Variants in ZNF697 observed in about 807,000 individuals in gnomAD.
ZNF697 encodes the protein zinc finger protein 697.
Under a neutral mutation model 32.4 loss-of-function variants are expected in ZNF697, and 23 were observed. The ratio of observed to expected loss-of-function variants is 0.71; its 90% confidence interval spans 0.51 to 1.01. ZNF697 has a LOEUF of 1.01. Among genes scored for constraint, ZNF697 ranks in the 50% least tolerant of loss-of-function variants. The pLI, the probability that ZNF697 is intolerant of heterozygous loss-of-function variation, is 0.00. For missense variants in ZNF697, 930 were observed against 794.0 expected, an observed-to-expected ratio of 1.17 and a Z score of -2.06; for synonymous variants, 418 against 337.2, an observed-to-expected ratio of 1.24 and a Z score of -2.62.
Position 119,623,821 on chromosome 1 carries a change from G to A in ZNF697, c.522C>T (p.Leu174=), listed in dbSNP as rs754722277. The A allele has an allele frequency of 7.8e-5, 121 of 1,547,444 alleles. No individual in the cohort carries two copies. Among genetic ancestry groups the A allele is most frequent in the Non-Finnish European group, 1.0e-4 (115 of 1,145,612 alleles). Reference sequence around the variant, plus strand: ...TGGCCACCAGGCTATCCAGCTCCCCGAGGTCCACGGCCATGGGGTGGTGGA... The same window carrying A: ...TGGCCACCAGGCTATCCAGCTCCCCAAGGTCCACGGCCATGGGGTGGTGGA... ...HRLHHPMAVD[L]GELDSLVASI... Residue 174 remains leucine, a synonymous_variant, in exon 3 of 3, where the codon CTC becomes CTT. Transcript: ENST00000421812.
chr1:119,645,527 C>T (rs1399017079), intron 1 of ZNF697, among the ~76,000 whole-genome samples: 5 of 152,142 alleles, frequency 3.3e-5, no homozygotes, highest in African/African-American at 1.2e-4. Flanking sequence ...CAGGGATGTC[C>T]AGCAAGCATG....
intron 1 of ZNF697, among the ~76,000 whole-genome samples, chr1:119,630,838 C>A (rs1280374232): frequency 6.6e-6 from 1 of 152,068 alleles, no homozygotes; most frequent in African/African-American, 2.4e-5. Flanking sequence ...CCCCCGCACT[C>A]CAGCCTGAGA....
chr1:119,627,545 TACAC>T (rs1427100417), intron 1 of ZNF697, among the ~76,000 whole-genome samples: 5 of 152,308 alleles, frequency 3.3e-5, no homozygotes, highest in African/African-American at 9.6e-5. Flanking sequence ...AAGCGTGTAA[TACAC>T]ACATTTTTCC....
In ZNF697 at chr1:119,623,371, C is replaced by T; in HGVS notation, c.972G>A (p.Glu324=). Residue 324 remains glutamate (E), a synonymous_variant, in exon 3 of 3, where the codon GAG becomes GAA. Coordinates refer to ENST00000421812, the MANE Select transcript of ZNF697 (RefSeq NM_001080470.2). ...ACAGATGCGAGCTGAGGCTGAAGGC[C>T]TCGCCGCACTCGGGGCACGGGTAGG... is the stretch of plus-strand genomic sequence containing the variant. ...EKPYPCPECG[E]AFSLSSHLLS... The T allele has an allele frequency of 4.1e-6, 6 of 1,472,356 alleles. No individual in the cohort carries two copies. Among genetic ancestry groups the T allele is most frequent in the Non-Finnish European group, 5.4e-6 (6 of 1,114,260 alleles). The allele number at this position is 1,472,356 out of a possible 1,614,324, so 91.2% of individuals were successfully genotyped here.
Position 119,648,188 on chromosome 1 carries a change from C to CGCTGGCTGGCTG in ZNF697, c.-547_-536dup, listed in dbSNP as rs1255252782. ...CGGCTGCAGCGGCCGCTGGGTGGCC[C>CGCTGGCTGGCTG]GCTGGCTGGCTGGTTGGCTGGCTGG... On this transcript the variant is annotated 5_prime_UTR_variant, in exon 1 of 3. Transcript: ENST00000421812. Among the ~76,000 whole-genome samples the CGCTGGCTGGCTG allele has an allele frequency of 1.6e-5, 2 of 122,266 alleles. No homozygotes were observed. The highest frequency in any genetic ancestry group is 5.8e-5 in the African/African-American group (2 of 34,500). 80.2% of individuals were successfully genotyped at this position (122,266 alleles called of 152,430 possible). A position where few individuals can be genotyped will look rare whatever the true frequency, so the allele number is the denominator to read the frequency against.
chr1:119,631,959 G>C (rs1248532437), intron 1 of ZNF697, among the ~76,000 whole-genome samples: 1 of 152,224 alleles, frequency 6.6e-6, no homozygotes, highest in East Asian at 1.9e-4. Context: ...ATTGGGTAGA[G>C]CGCTGGAAAA....
At chr1:119,626,264 C>T (rs1022576122) in intron 1 of ZNF697, 127 bp from the exon 2 acceptor site, 4 of 1,254,850 alleles carry the variant, frequency 3.2e-6, no homozygotes, top group South Asian at 3.1e-5. Flanking sequence ...ACCTCCACTT[C>T]ACTCCACATT....
intron 2 of ZNF697, among the ~76,000 whole-genome samples, chr1:119,624,503 G>A (rs1238986625): frequency 1.3e-5 from 2 of 152,242 alleles, no homozygotes; most frequent in East Asian, 1.9e-4. Context: ...AGCTACCAAT[G>A]CCTTTTAAGA....
rs1201271003 is a variant in ZNF697, at chr1:119,621,562, A to C, written c.*1143T>G. 3.9e-5 allele frequency: 6 copies of C among 152,596 alleles called. No homozygotes were observed. The highest frequency in any genetic ancestry group is 7.3e-5 in the Non-Finnish European group (5 of 68,030). 9.5% of individuals were successfully genotyped at this position (152,596 alleles called of 1,614,324 possible). A position where few individuals can be genotyped will look rare whatever the true frequency, so the allele number is the denominator to read the frequency against. On this transcript the variant is annotated 3_prime_UTR_variant, in exon 3 of 3. Coordinates refer to ENST00000421812, the MANE Select transcript of ZNF697 (RefSeq NM_001080470.2). ...GCCTTGAGATTTCTACTGTGCCTCC[A>C]CGCGCAGGCAAAAGACATTCTTACT...
chr1:119,634,235 G>T (rs1648860383), intron 1 of ZNF697, among the ~76,000 whole-genome samples: 1 of 152,140 alleles, frequency 6.6e-6, no homozygotes, highest in South Asian at 2.1e-4. Context: ...AGGGGTGTTG[G>T]GGCCAAAGGA....
rs1014121662 is a variant in ZNF697 at position 119,622,806 on chromosome 1, G to A, written c.1537C>T (p.Arg513Cys). 3 of 1,597,542 alleles carry A rather than the reference G, an allele frequency of 1.9e-6. No homozygotes were observed. The highest frequency in any genetic ancestry group is 2.7e-5 in the African/African-American group (2 of 74,748). The change falls in exon 3 of 3, where the codon CGC becomes TGC. Residue 513 changes from arginine (R) to cysteine (C), a missense_variant. Arg to Cys is a radical substitution (Grantham distance 180, BLOSUM62 -3). Transcript: ENST00000421812. ...IQSSHLIRHR[R>C]IHTGNKPHKC... ...TGCGGCTTGTTGCCCGTGTGGATGCGGCGGTGGCGGATCAGGTGGGAGCTC... is the reference window on the plus strand; with the variant it reads ...TGCGGCTTGTTGCCCGTGTGGATGCAGCGGTGGCGGATCAGGTGGGAGCTC...
In ZNF697 at chr1:119,621,291, C is replaced by T. The variant is rs1261112635; in HGVS notation, c.*1414G>A. The T allele has an allele frequency of 6.6e-6, 1 of 152,482 alleles. No individual in the cohort carries two copies. The highest frequency in any genetic ancestry group is 6.5e-5 in the Admixed American group (1 of 15,288). The allele number at this position is 152,482 out of a possible 1,614,324, so 9.4% of individuals were successfully genotyped here. On this transcript the variant is annotated 3_prime_UTR_variant, in exon 3 of 3. Coordinates refer to ENST00000421812, the MANE Select transcript of ZNF697 (RefSeq NM_001080470.2). ...TCAGGCTACAATTATTCACACTGTCCTCAGCCTCTCTTCAGGACAGCCTGC... is the reference window on the plus strand; with the variant it reads ...TCAGGCTACAATTATTCACACTGTCTTCAGCCTCTCTTCAGGACAGCCTGC...
chr1:119,646,315 C>T (rs1469521368), intron 1 of ZNF697, among the ~76,000 whole-genome samples: 2 of 124,142 alleles, frequency 1.6e-5, no homozygotes, highest in African/African-American at 7.2e-5. Context: ...CAACAACCCC[C>T]ACTTCCAACA....
chr1:119,637,549 AC>A (rs978098554), intron 1 of ZNF697, among the ~76,000 whole-genome samples: 64 of 152,338 alleles, frequency 4.2e-4, no homozygotes, highest in African/African-American at 1.5e-3. Context: ...TCTCCCTTGC[AC>A]CACATTCTCC....
intron 1 of ZNF697, among the ~76,000 whole-genome samples, chr1:119,626,721 C>CT (rs1378322831): frequency 1.1e-4 from 17 of 152,208 alleles, no homozygotes; most frequent in Non-Finnish European, 1.9e-4. Context: ...AACTTCTTGT[C>CT]TAAGACCATG....
chr1:119,620,057 G>C lies in ZNF697; in HGVS notation c.*2648C>G, dbSNP rs1441727595. 1.3e-5 allele frequency: 2 copies of C among 152,624 alleles called. No homozygotes were observed. The highest frequency in any genetic ancestry group is 2.4e-5 in the African/African-American group (1 of 41,450). The allele number at this position is 152,624 out of a possible 1,614,324, so 9.5% of individuals were successfully genotyped here. A position where few individuals can be genotyped will look rare whatever the true frequency, so the allele number is the denominator to read the frequency against. On this transcript the variant is annotated 3_prime_UTR_variant, in exon 3 of 3. Transcript: ENST00000421812. Reference sequence around the variant, plus strand: ...ATGCATTTAACCTCACTTAATGCAGGTAAGTTCCCTGAAGAATTGTAAGAA... The same window carrying C: ...ATGCATTTAACCTCACTTAATGCAGCTAAGTTCCCTGAAGAATTGTAAGAA...
At position 119,647,901 on chromosome 1, in the gene ZNF697, G is replaced by T. The variant is rs997396552; in HGVS notation, c.-248C>A. The T allele has an allele frequency of 6.6e-6, 1 of 152,354 alleles. No individual in the cohort carries two copies. The highest frequency in any genetic ancestry group is 6.5e-5 in the Admixed American group (1 of 15,280). 9.4% of individuals were successfully genotyped at this position (152,354 alleles called of 1,614,324 possible). ...CGCGAGAGCACCCCATAAGCCCGGG[G>T]CCCTGCGCCCCAGGGGAGCGGACAA... On this transcript the variant is annotated 5_prime_UTR_variant, in exon 1 of 3. Transcript: ENST00000421812.
In ZNF697 at chr1:119,636,350, G is replaced by A. The variant is rs114948487; in HGVS notation, c.-37-10213C>T. On this transcript the variant is annotated intron_variant, in intron 1 of 2. Coordinates refer to ENST00000421812, the MANE Select transcript of ZNF697 (RefSeq NM_001080470.2). ...TGGACTCTGAAAGGATCCGTGGAACGAAAACAAAAACCCTGTTATAAACCA... is the reference window on the plus strand; with the variant it reads ...TGGACTCTGAAAGGATCCGTGGAACAAAAACAAAAACCCTGTTATAAACCA... Among the ~76,000 whole-genome samples the A allele has an allele frequency of 2.8e-3, 426 of 152,214 alleles. 1 individual carries two copies. Among genetic ancestry groups the A allele is most frequent in the African/African-American group, 0.01 (416 of 41,532 alleles).
Position 119,622,715 on chromosome 1 carries a change from T to C in ZNF697, c.1628A>G (p.His543Arg), listed in dbSNP as rs754349693. The C allele has an allele frequency of 1.3e-5, 20 of 1,533,656 alleles. No individual in the cohort carries two copies. The South Asian group carries it at 1.6e-4, about 12-fold the overall frequency. ...KTHLAQHQKL[H>R]LC ...CCGCGGACCCAGCCCCTAACACAGG[T>C]GCAGCTTCTGGTGCTGCGCGAGGTG... Residue 543 changes from histidine to arginine, a missense_variant, in exon 3 of 3, where the codon CAC (histidine) becomes CGC (arginine). By Grantham distance (29) the His-to-Arg change is conservative (BLOSUM62 0). Transcript: ENST00000421812.
Sources: allele counts gnomAD v4.1 joint callset (sites outside exome capture counted in the v4.1 genomes callset), GRCh38; gene constraint gnomAD v4.1.1; transcripts MANE v1.5; gene names NCBI Gene and HGNC (gene_info 2026-07-23, HGNC 2026-07-21).